Variants in VPS37A observed in about 807,000 individuals in gnomAD.
VPS37A encodes the protein VPS37A subunit of ESCRT-I.
Under a neutral mutation model 49.8 loss-of-function variants are expected in VPS37A, and 30 were observed. The ratio of observed to expected loss-of-function variants is 0.60; its 90% CI spans 0.45 to 0.82. The LOEUF (loss-of-function observed/expected upper bound fraction) is 0.82, where lower values mean the gene tolerates loss of function less well. Among genes scored for constraint, VPS37A ranks in the 40% least tolerant of loss-of-function variants. VPS37A has a pLI of 0.00. For synonymous variants in VPS37A, 195 were observed against 160.6 expected, an observed-to-expected ratio of 1.21 and a Z score of -1.62; for missense variants, 593 against 464.4, an observed-to-expected ratio of 1.28 and a Z score of -2.55.
chr8:17,289,417 T>C (rs1815929491), intron 11 of VPS37A, among the ~76,000 whole-genome samples: 1 of 152,140 alleles, frequency 6.6e-6, no homozygotes, highest in African/African-American at 2.4e-5. Flanking sequence ...TAGTTTTCTG[T>C]GTATGGCTAG....
chr8:17,329,120 A>G, the VPS37A span, among the ~76,000 whole-genome samples: 1 of 152,216 alleles, frequency 6.6e-6, no homozygotes, highest in African/African-American at 2.4e-5. Context: ...GAAAATAATA[A>G]TCATGAATGA....
Position 17,279,870 on chromosome 8 carries a change from T to G in VPS37A, c.714-158T>G, listed in dbSNP as rs569098348. 140 of 826,708 alleles carry G rather than the reference T, an allele frequency of 1.7e-4. No individual in the cohort carries two copies. The African/African-American group carries it at 2.2e-3, about 13-fold the overall frequency. 51.2% of individuals were successfully genotyped at this position (826,708 alleles called of 1,614,324 possible). On this transcript the variant is annotated intron_variant, in intron 6 of 11. Transcript: ENST00000324849. ...TCTATGTTCCATTGTGGTTGATGTT[T>G]TATTTGATTTTAAGGTTAAAACTGG... is the stretch of plus-strand genomic sequence containing the variant.
intron 2 of VPS37A, among the ~76,000 whole-genome samples, chr8:17,266,462 G>T (rs1306017122): frequency 6.6e-6 from 1 of 152,118 alleles, no homozygotes; most frequent in African/African-American, 2.4e-5. Flanking sequence ...ATAATTATGA[G>T]GGTTTTACTT....
At chr8:17,311,162 G>A in the VPS37A span, among the ~76,000 whole-genome samples, 1 of 152,112 alleles carries the variant, frequency 6.6e-6, no homozygotes, top group Admixed American at 6.6e-5. Context: ...TTTCTAAAAA[G>A]TCTTCTGTTA....
In VPS37A at chr8:17,283,439, A is replaced by G. The variant is rs543344043; in HGVS notation, c.970-1034A>G. Among the ~76,000 whole-genome samples the G allele has an allele frequency of 7.2e-5, 11 of 152,324 alleles. No individual in the cohort carries two copies. In the South Asian group the frequency reaches 2.3e-3, roughly 32 times the overall value. ...CCACAGTGCTGGGATTACAGGCATG[A>G]GCCACCACGTCAAGCAGGATAGCTA... On this transcript the variant is annotated intron_variant, in intron 9 of 11. Coordinates refer to ENST00000324849, the MANE Select transcript of VPS37A (RefSeq NM_152415.3).
chr8:17,316,039 G>A, the VPS37A span, among the ~76,000 whole-genome samples: 1 of 152,076 alleles, frequency 6.6e-6, no homozygotes, highest in Non-Finnish European at 1.5e-5. Context: ...TACAAATAAA[G>A]TCTCGTGTTT....
chr8:17,255,850 T>G (rs140963450), intron 1 of VPS37A, among the ~76,000 whole-genome samples: 22 of 152,336 alleles, frequency 1.4e-4, no homozygotes, highest in Admixed American at 2.0e-4. Context: ...CCACTCATGT[T>G]GCTGTAAATG....
At chr8:17,262,302 C>T (rs1240384534) in intron 1 of VPS37A, among the ~76,000 whole-genome samples, 1 of 152,128 alleles carries the variant, frequency 6.6e-6, no homozygotes, top group Non-Finnish European at 1.5e-5. Flanking sequence ...GCTTCTGTGA[C>T]ACCATTTTGG....
At chr8:17,315,552 T>G in the VPS37A span, among the ~76,000 whole-genome samples, 2 of 152,172 alleles carry the variant, frequency 1.3e-5, no homozygotes, top group African/African-American at 4.8e-5. Context: ...CAGGTGGCTG[T>G]GCATGTGTGC....
At chr8:17,306,060 AATCTT>A, downstream of VPS37A, 1 of 878,066 alleles carries the variant, frequency 1.1e-6, no homozygotes, top group South Asian at 1.9e-5. Context: ...TTCCTAAATA[AATCTT>A]ATCTTACAAA....
At chr8:17,326,457 T>A in the VPS37A span, 3 of 152,134 alleles carry the variant, frequency 2.0e-5, no homozygotes, top group South Asian at 2.1e-4. Flanking sequence ...ATAATGATCC[T>A]TGTGGTCACA....
At chr8:17,278,586 A>G (rs1466995805) in intron 6 of VPS37A, among the ~76,000 whole-genome samples, 1 of 151,950 alleles carries the variant, frequency 6.6e-6, no homozygotes, top group Non-Finnish European at 1.5e-5. Flanking sequence ...CATCATGAAC[A>G]TTTCTTCTCC....
In VPS37A at chr8:17,280,226, AT is replaced by A. The variant is rs747160887; in HGVS notation, c.842-10del. 1.9e-6 allele frequency: 3 copies of A among 1,612,352 alleles called. No individual in the cohort carries two copies. In the African/African-American group the frequency reaches 4.0e-5, roughly 22 times the overall value. On this transcript the variant is annotated splice_polypyrimidine_tract_variant and intron_variant, in intron 7 of 11. Coordinates refer to ENST00000324849, the MANE Select transcript of VPS37A (RefSeq NM_152415.3). The stretch of plus-strand genomic sequence containing the variant: ...ATCTTTACCTAGAAGTAAACTAGAG[AT>A]TTATCTTACAGGAAAAAATCTCCTT...
At chr8:17,311,746 G>T in the VPS37A span, 1 of 1,514,996 alleles carries the variant, frequency 6.6e-7, no homozygotes, top group East Asian at 2.3e-5. Context: ...CAGCCAAAAC[G>T]AAACACCTGT....
intron 1 of VPS37A, among the ~76,000 whole-genome samples, chr8:17,257,073 G>A (rs2150355857): frequency 6.6e-6 from 1 of 152,294 alleles, no homozygotes; most frequent in South Asian, 2.1e-4. Context: ...TTAGATTTAA[G>A]TCATTAATCC....
the VPS37A span, chr8:17,311,591 C>T: frequency 6.2e-7 from 1 of 1,614,132 alleles, no homozygotes; most frequent in Non-Finnish European, 8.5e-7. Context: ...CTGTCCCAGC[C>T]ATCAGAACAG....
At chr8:17,322,738 T>G in the VPS37A span, among the ~76,000 whole-genome samples, 2 of 152,018 alleles carry the variant, frequency 1.3e-5, no homozygotes, top group African/African-American at 4.8e-5. Flanking sequence ...GGCAGGAGGA[T>G]CACTTGAGCC....
chr8:17,323,335 A>T, the VPS37A span, among the ~76,000 whole-genome samples: 1 of 151,934 alleles, frequency 6.6e-6, no homozygotes, highest in Non-Finnish European at 1.5e-5. Flanking sequence ...ACATCCCTTG[A>T]CTCCACTTTC....
At chr8:17,270,397 C>G (rs1316621950) in intron 4 of VPS37A, among the ~76,000 whole-genome samples, 2 of 152,098 alleles carry the variant, frequency 1.3e-5, no homozygotes. Context: ...TTAATGTTGG[C>G]TTAATGGTTA....
Sources: allele counts gnomAD v4.1 joint callset (sites outside exome capture counted in the v4.1 genomes callset), GRCh38; gene constraint gnomAD v4.1.1; transcripts MANE v1.5; gene names NCBI Gene and HGNC (gene_info 2026-07-23, HGNC 2026-07-21).